CPHXL2: variants seen among roughly 807,000 people sequenced by gnomAD.
CPHXL2 encodes the protein cytoplasmic polyadenylated homeobox like 2, also known as cytoplasmic polyadenylated homeobox-like protein 2.
chr16:75,662,863 G>A, the CPHXL2 span, among the ~76,000 whole-genome samples: 1 of 148,632 alleles, frequency 6.7e-6, no homozygotes, highest in Non-Finnish European at 1.5e-5. Flanking sequence ...CAGTGGCGCA[G>A]TGTCGGCTTA....
the CPHXL2 span, among the ~76,000 whole-genome samples, chr16:75,664,348 G>A: frequency 6.6e-6 from 1 of 152,036 alleles, no homozygotes; most frequent in South Asian, 2.1e-4. Flanking sequence ...ATCTTCAGCC[G>A]GGTGCAGTGG....
the CPHXL2 span, among the ~76,000 whole-genome samples, chr16:75,667,236 C>G: frequency 6.7e-6 from 1 of 148,286 alleles, no homozygotes; most frequent in Non-Finnish European, 1.5e-5. Context: ...TGCTTGAACC[C>G]GGGAGGTGGA....
chr16:75,676,846 C>A, the CPHXL2 span: 21 of 397,234 alleles, frequency 5.3e-5, no homozygotes, highest in South Asian at 2.3e-3. Flanking sequence ...TCCTGTTGTA[C>A]CCCCAGTGAA....
the CPHXL2 span, among the ~76,000 whole-genome samples, chr16:75,664,750 AATGGATTAACACATTC>A: frequency 1.3e-5 from 2 of 152,182 alleles, no homozygotes; most frequent in Non-Finnish European, 1.5e-5. Context: ...TGCCCTCATG[AATGGATTAACACATTC>A]ATGGATTAAT....
At chr16:75,662,477 C>A in the CPHXL2 span, among the ~76,000 whole-genome samples, 2 of 152,024 alleles carry the variant, frequency 1.3e-5, no homozygotes, top group Non-Finnish European at 2.9e-5. Flanking sequence ...ACCCTCTAAT[C>A]CTGCTTGGAT....
chr16:75,663,432 TA>T, the CPHXL2 span, among the ~76,000 whole-genome samples: 144 of 152,218 alleles, frequency 9.5e-4, 1 homozygote, highest in Middle Eastern at 0.017. Context: ...TAAGGCCCCC[TA>T]ACCATCTTAA....
chr16:75,673,493 C>A, the CPHXL2 span, among the ~76,000 whole-genome samples: 2 of 151,944 alleles, frequency 1.3e-5, no homozygotes, highest in African/African-American at 4.8e-5. Context: ...TTGGAGATAT[C>A]AGTTTAATTT....
the CPHXL2 span, chr16:75,661,215 G>A: frequency 3.2e-5 from 13 of 400,632 alleles, no homozygotes; most frequent in Middle Eastern, 3.1e-4. Flanking sequence ...TCTTTCTTCC[G>A]GTGGAAGTCT....
chr16:75,670,529 G>A, the CPHXL2 span, among the ~76,000 whole-genome samples: 7 of 152,126 alleles, frequency 4.6e-5, no homozygotes, highest in African/African-American at 1.7e-4. Flanking sequence ...GTTTATTTTT[G>A]AGATGGAGTC....
At chr16:75,667,844 A>G in the CPHXL2 span, among the ~76,000 whole-genome samples, 1 of 152,238 alleles carries the variant, frequency 6.6e-6, no homozygotes, top group East Asian at 1.9e-4. Flanking sequence ...ACCTGCCCCT[A>G]CCTAGGTCCC....
the CPHXL2 span, among the ~76,000 whole-genome samples, chr16:75,676,153 T>C: frequency 6.6e-6 from 1 of 151,570 alleles, no homozygotes; most frequent in Non-Finnish European, 1.5e-5. Flanking sequence ...CATCCAGGGG[T>C]CATCAATAAC....
chr16:75,664,692 C>A, the CPHXL2 span, among the ~76,000 whole-genome samples: 2 of 151,446 alleles, frequency 1.3e-5, no homozygotes, highest in Admixed American at 6.6e-5. Context: ...TTCAACATGG[C>A]AGCACTGAGA....
chr16:75,660,880 T>C, the CPHXL2 span: 1 of 398,688 alleles, frequency 2.5e-6, no homozygotes, highest in African/African-American at 2.1e-5. Flanking sequence ...TGCTTTTCAG[T>C]ACCTGCGACC....
the CPHXL2 span, among the ~76,000 whole-genome samples, chr16:75,665,996 G>T: frequency 6.6e-6 from 1 of 152,178 alleles, no homozygotes; most frequent in Non-Finnish European, 1.5e-5. Flanking sequence ...TTGCAGAATG[G>T]ATAAGAACTC....
At chr16:75,663,560 T>C in the CPHXL2 span, among the ~76,000 whole-genome samples, 2 of 152,120 alleles carry the variant, frequency 1.3e-5, no homozygotes, top group African/African-American at 4.8e-5. Context: ...TTGGGATTAC[T>C]GATAAAACAG....
the CPHXL2 span, among the ~76,000 whole-genome samples, chr16:75,664,647 G>GA: frequency 1.4e-5 from 2 of 141,194 alleles, no homozygotes; most frequent in African/African-American, 5.2e-5. Context: ...AAAAAAGAAA[G>GA]AAAGAAAAAC....
chr16:75,663,329 A>G, the CPHXL2 span, among the ~76,000 whole-genome samples: 2 of 152,340 alleles, frequency 1.3e-5, no homozygotes, highest in Non-Finnish European at 2.9e-5. Flanking sequence ...AGAAAATTAC[A>G]CATATTTTAG....
the CPHXL2 span, among the ~76,000 whole-genome samples, chr16:75,672,335 C>T: frequency 5.3e-5 from 8 of 151,690 alleles, no homozygotes; most frequent in African/African-American, 1.2e-4. Flanking sequence ...AAAATAATTT[C>T]GCACGTATTG....
the CPHXL2 span, among the ~76,000 whole-genome samples, chr16:75,673,823 A>G: frequency 6.6e-6 from 1 of 151,516 alleles, no homozygotes; most frequent in East Asian, 2.0e-4. Context: ...TACCAAAAAT[A>G]CAAAAAATTA....
Sources: allele counts gnomAD v4.1 joint callset (sites outside exome capture counted in the v4.1 genomes callset), GRCh38; gene constraint gnomAD v4.1.1; transcripts MANE v1.5; gene names NCBI Gene and HGNC (gene_info 2026-07-23, HGNC 2026-07-21).